The following ITPR2 variants were observed in gnomAD, a reference collection of about 807,000 sequenced individuals.
ITPR2 encodes the protein inositol 1,4,5-trisphosphate receptor type 2.
A neutral mutation model predicts 317.1 loss-of-function variants in ITPR2; 207 were observed. The observed-to-expected ratio is 0.65, with a 90% CI of 0.58 to 0.73. The LOEUF is 0.73. Among genes scored for constraint, ITPR2 ranks in the 30% least tolerant of loss-of-function variants. The pLI is 0.00. For synonymous variants in ITPR2, 1,156 were observed against 1,149.1 expected, an observed-to-expected ratio of 1.01 and a Z score of -0.12; for missense variants, 2,613 against 3,284.0, an observed-to-expected ratio of 0.80 and a Z score of 4.99.
chr12:26,782,072 A>AGC (rs1265942884), intron 2 of ITPR2, among the ~76,000 whole-genome samples: 2 of 132,240 alleles, frequency 1.5e-5, no homozygotes, highest in African/African-American at 3.1e-5. Flanking sequence ...AGAGAGAGAG[A>AGC]GCGAGAGAGA....
At chr12:26,656,153 G>GT in intron 19 of ITPR2, 144 bp downstream of exon 19, 1 of 1,051,362 alleles carries the variant, frequency 9.5e-7, no homozygotes, top group South Asian at 1.6e-5. Context: ...TTCAAAACGA[G>GT]TATCTTATTT....
intron 22 of ITPR2, among the ~76,000 whole-genome samples, chr12:26,629,736 TTCTC>T (rs1046595555): frequency 6.6e-6 from 1 of 151,892 alleles, no homozygotes; most frequent in Non-Finnish European, 1.5e-5. Context: ...CTCTTTCTCT[TTCTC>T]TTTTTCTCTC....
intron 35 of ITPR2, among the ~76,000 whole-genome samples, chr12:26,556,949 TGCGCGTGTGGTCCCA>T (rs1298304563): frequency 5.9e-5 from 9 of 151,862 alleles, no homozygotes; most frequent in African/African-American, 2.2e-4. Context: ...CATGGTGGCA[TGCGCGTGTGGTCCCA>T]GCTACTCAGG....
At chr12:26,734,432 C>T (rs746858347) in intron 2 of ITPR2, among the ~76,000 whole-genome samples, 13 of 152,172 alleles carry the variant, frequency 8.5e-5, no homozygotes, top group Non-Finnish European at 1.6e-4. Flanking sequence ...ATCCAAACAC[C>T]TGTAACTATC....
intron 41 of ITPR2, among the ~76,000 whole-genome samples, chr12:26,484,905 C>T (rs572792684): frequency 2.0e-5 from 3 of 152,080 alleles, no homozygotes; most frequent in Non-Finnish European, 2.9e-5. Flanking sequence ...TTAGTAGAGA[C>T]GGGGTTTCAC....
chr12:26,796,862 C>G (rs1407550301), intron 1 of ITPR2, among the ~76,000 whole-genome samples: 1 of 151,826 alleles, frequency 6.6e-6, no homozygotes, highest in African/African-American at 2.4e-5. Context: ...AAACCACCCC[C>G]GTCTCTACTA....
chr12:26,627,922 A>T (rs1946657527), intron 23 of ITPR2, 111 bp downstream of exon 23: 3 of 980,228 alleles, frequency 3.1e-6, no homozygotes, highest in Non-Finnish European at 4.4e-6. Flanking sequence ...AAAGTATAAT[A>T]AAAAAATTTA....
rs565178276 is a variant in ITPR2 at position 26,394,127 on chromosome 12, C to G, written c.7696+4749G>C. Among the ~76,000 whole-genome samples, 9 of 152,284 alleles carry G rather than the reference C, an allele frequency of 5.9e-5. No individual in the cohort carries two copies. In the East Asian group the frequency reaches 1.7e-3, roughly 29 times the overall value. ...TTTGATATACATGATCTCATTTATA[C>G]TCATCACAACACCAAACCGTGGCAT... On this transcript the variant is annotated intron_variant, in intron 54 of 56. Transcript: ENST00000381340.
intron 21 of ITPR2, among the ~76,000 whole-genome samples, chr12:26,645,579 A>T (rs1357265129): frequency 6.6e-6 from 1 of 152,244 alleles, no homozygotes; most frequent in Non-Finnish European, 1.5e-5. Flanking sequence ...GAGCCATCTC[A>T]AGAAGAATAA....
intron 9 of ITPR2, among the ~76,000 whole-genome samples, chr12:26,710,060 C>T (rs55747717): frequency 0.1 from 15,274 of 152,138 alleles, 870 homozygotes; most frequent in South Asian, 0.23. Flanking sequence ...ATGGCAAAAC[C>T]CCTTCTCTAC....
chr12:26,699,039 C>T (rs568132330), intron 9 of ITPR2, among the ~76,000 whole-genome samples: 11 of 151,516 alleles, frequency 7.3e-5, no homozygotes, highest in African/African-American at 2.4e-4. Flanking sequence ...AAAATTTTAG[C>T]TAAATTATAT....
At position 26,467,491 on chromosome 12, in the gene ITPR2, T is replaced by C. The variant is rs1248304899; in HGVS notation, c.6342+7805A>G. ...GAAGTGCTATGCATTTTCCTTTTCC[T>C]GGAAAAACTAATCATAAAAGCCTTG... On this transcript the variant is annotated intron_variant, in intron 45 of 56. Coordinates refer to ENST00000381340, the MANE Select transcript of ITPR2 (RefSeq NM_002223.4). Among the ~76,000 whole-genome samples the C allele has an allele frequency of 3.9e-5, 6 of 152,158 alleles. No individual in the cohort carries two copies. In the East Asian group the frequency reaches 1.2e-3, roughly 29 times the overall value.
chr12:26,488,989 T>G (rs1446650791), intron 39 of ITPR2, among the ~76,000 whole-genome samples: 2 of 152,168 alleles, frequency 1.3e-5, no homozygotes. Context: ...AGGATTTAAA[T>G]CTAGATTTTC....
chr12:26,732,173 G>A (rs80272400), intron 2 of ITPR2, among the ~76,000 whole-genome samples: 1,858 of 152,186 alleles, frequency 0.012, 32 homozygotes, highest in African/African-American at 0.042. Flanking sequence ...CACAAAGATC[G>A]CAATGTAACT....
chr12:26,569,774 A>T (rs1945109142), intron 34 of ITPR2, among the ~76,000 whole-genome samples: 1 of 152,224 alleles, frequency 6.6e-6, no homozygotes, highest in African/African-American at 2.4e-5. Flanking sequence ...TAAAACTACA[A>T]AAATATTTTT....
At chr12:26,686,907 T>C (rs1399041745) in intron 10 of ITPR2, among the ~76,000 whole-genome samples, 1 of 152,146 alleles carries the variant, frequency 6.6e-6, no homozygotes, top group Admixed American at 6.6e-5. Context: ...CTTCCCTCGT[T>C]CTCTTAAACC....
chr12:26,595,998 T>C (rs1201110872), intron 31 of ITPR2, among the ~76,000 whole-genome samples: 2 of 152,222 alleles, frequency 1.3e-5, no homozygotes, highest in African/African-American at 2.4e-5. Context: ...GATGCCTCAT[T>C]AATAGAAGCC....
chr12:26,517,285 G>A (rs1248650031), intron 37 of ITPR2, among the ~76,000 whole-genome samples: 1 of 152,108 alleles, frequency 6.6e-6, no homozygotes, highest in East Asian at 1.9e-4. Context: ...GAAAATATTT[G>A]CACACTCTGC....
rs915913497 is a variant in ITPR2, at chr12:26,749,197, G to A, written c.164-23432C>T. 8.5e-5 allele frequency among the ~76,000 whole-genome samples: 13 copies of A among 152,164 alleles called. 1 individual carries two copies. The highest frequency in any genetic ancestry group is 2.9e-4 in the African/African-American group (12 of 41,438). On this transcript the variant is annotated intron_variant, in intron 2 of 56. Coordinates refer to ENST00000381340, the MANE Select transcript of ITPR2 (RefSeq NM_002223.4). ...AACTAGAGGAAGAAATTGAACTCAT[G>A]GTTATGATTAGTTAGGACTGACTTT...
Sources: allele counts gnomAD v4.1 joint callset (sites outside exome capture counted in the v4.1 genomes callset), GRCh38; gene constraint gnomAD v4.1.1; transcripts MANE v1.5; gene names NCBI Gene and HGNC (gene_info 2026-07-23, HGNC 2026-07-21).